The following CEBPZOS variants were observed in gnomAD, a reference collection of about 807,000 sequenced individuals.
CEBPZOS encodes protein CEBPZOS.
CEBPZOS carries 10 observed loss-of-function variants against 4.8 expected under a neutral mutation model. That is an observed-to-expected ratio of 2.07 (90% CI 1.28 to 3.52). The LOEUF is 3.52. Ranked by LOEUF, CEBPZOS falls within the 30% of genes most tolerant of loss-of-function variation. The probability of loss-of-function intolerance (pLI) is 0.00; values close to 1 mark genes in which losing one functional copy is unlikely to be tolerated. For synonymous variants in CEBPZOS, 25 were observed against 14.2 expected (o/e 1.77, Z -1.72); for missense variants, 98 against 43.6 (o/e 2.25, Z -3.51).
At chr2:37,205,629 CGCATGAA>C (rs1677513604), downstream of CEBPZOS, among the ~76,000 whole-genome samples, 1 of 152,160 alleles carries the variant, frequency 6.6e-6, no homozygotes, top group African/African-American at 2.4e-5. Context: ...CATACAGACG[CGCATGAA>C]ACTTTTTAAA....
At chr2:37,209,146 G>A (rs998870375), downstream of CEBPZOS, 2 of 151,848 alleles carry the variant, frequency 1.3e-5, no homozygotes, top group Non-Finnish European at 2.9e-5. Flanking sequence ...AGAAACCACA[G>A]ACACACACAA....
downstream of CEBPZOS, among the ~76,000 whole-genome samples, chr2:37,205,241 C>G (rs1039546669): frequency 6.6e-6 from 1 of 152,214 alleles, no homozygotes; most frequent in Non-Finnish European, 1.5e-5. Flanking sequence ...CCTCTGAGCC[C>G]AAGCTAAGCC....
chr2:37,214,491 G>A (rs1421077849), downstream of CEBPZOS, among the ~76,000 whole-genome samples: 3 of 151,872 alleles, frequency 2.0e-5, no homozygotes, highest in Non-Finnish European at 4.4e-5. Context: ...TATATTAAAG[G>A]TAGATTTTAA....
intron 2 of CEBPZOS, among the ~76,000 whole-genome samples, chr2:37,200,827 T>C (rs936389277): frequency 6.6e-6 from 1 of 152,118 alleles, no homozygotes; most frequent in Non-Finnish European, 1.5e-5. Flanking sequence ...TGGTGGATTG[T>C]GACTGTGCCA....
chr2:37,203,837 A>C lies in CEBPZOS; in HGVS notation c.*1977A>C, dbSNP rs1326440668. ...CTATATCTGACTTTTTTCATTTAGCATAACGTTTTTGAGGCTCATCCATGT... is the reference window on the plus strand; with the variant it reads ...CTATATCTGACTTTTTTCATTTAGCCTAACGTTTTTGAGGCTCATCCATGT... On this transcript the variant is annotated 3_prime_UTR_variant, in exon 5 of 5. Coordinates refer to ENST00000402297, the MANE Select transcript of CEBPZOS (RefSeq NM_001322374.2). 6.6e-6 allele frequency: 1 copy of C among 152,194 alleles called. No homozygotes were observed. The highest frequency in any genetic ancestry group is 2.4e-5 in the African/African-American group (1 of 41,440). 9.4% of individuals were successfully genotyped at this position (152,194 alleles called of 1,614,324 possible). A position where few individuals can be genotyped will look rare whatever the true frequency, so the allele number is the denominator to read the frequency against.
rs1409648770 is a variant in CEBPZOS, at chr2:37,213,253, T to C, written c.*3-184T>C. On this transcript the variant is annotated intron_variant, in intron 4 of 4. Transcript: ENST00000397064. ...CTGATATACTATAATAGATTATGAA[T>C]AGTAAAAAGGATTTCTTTTTCACAT... Among the ~76,000 whole-genome samples, 6 of 152,282 alleles carry C rather than the reference T, an allele frequency of 3.9e-5. No homozygotes were observed. The East Asian group carries it at 1.2e-3, about 29-fold the overall frequency.
downstream of CEBPZOS, among the ~76,000 whole-genome samples, chr2:37,208,311 C>T (rs1677606855): frequency 4.0e-5 from 6 of 151,860 alleles, no homozygotes; most frequent in South Asian, 1.2e-3. Flanking sequence ...GCCAATATCG[C>T]CCTAATTCCA....
chr2:37,212,384 CA>C (rs1385308743), intron 4 of CEBPZOS: 1 of 1,613,106 alleles, frequency 6.2e-7, no homozygotes, highest in Non-Finnish European at 8.5e-7. Flanking sequence ...TTATCATCTT[CA>C]AATGTGTCTG....
chr2:37,201,128 A>C, intron 3 of CEBPZOS, 36 bp downstream of exon 3: 1 of 705,780 alleles, frequency 1.4e-6, no homozygotes, highest in Non-Finnish European at 2.6e-6. Flanking sequence ...AGTATAAAAC[A>C]ACTTCTTCAG....
At chr2:37,214,338 T>C (rs2148352186), downstream of CEBPZOS, among the ~76,000 whole-genome samples, 1 of 152,286 alleles carries the variant, frequency 6.6e-6, no homozygotes. Flanking sequence ...GGTACTTTAC[T>C]ACCCTAAGGC....
In CEBPZOS at chr2:37,203,683, C is replaced by G. The variant is rs1677398023; in HGVS notation, c.*1823C>G. ...CCACAACCACAGTCTGATTTTAGAA[C>G]ATTTCCATCAACTTCAAAGATCCCT... On this transcript the variant is annotated 3_prime_UTR_variant, in exon 5 of 5. Transcript: ENST00000402297. The G allele has an allele frequency of 6.6e-6, 1 of 152,214 alleles. No homozygotes were observed. Among genetic ancestry groups the G allele is most frequent in the Non-Finnish European group, 1.5e-5 (1 of 68,036 alleles). The allele number at this position is 152,214 out of a possible 1,614,324, so 9.4% of individuals were successfully genotyped here.
chr2:37,211,625 T>A (rs1259844379), intron 4 of CEBPZOS: 1 of 471,800 alleles, frequency 2.1e-6, no homozygotes, highest in Non-Finnish European at 3.7e-6. Flanking sequence ...AAAGTAAAAG[T>A]CCAAAGCTCA....
intron 4 of CEBPZOS, chr2:37,211,492 T>C (rs1177701346): frequency 4.2e-6 from 1 of 238,114 alleles, no homozygotes; most frequent in Non-Finnish European, 8.0e-6. Flanking sequence ...AGATAAAATA[T>C]TCACCTTCAT....
At chr2:37,206,381 G>T (rs1192891963), downstream of CEBPZOS, among the ~76,000 whole-genome samples, 8 of 152,208 alleles carry the variant, frequency 5.3e-5, no homozygotes, top group Admixed American at 3.9e-4. Context: ...TTTTTGAGAT[G>T]GAATCTTGCT....
At chr2:37,207,408 A>C (rs771649510), downstream of CEBPZOS, among the ~76,000 whole-genome samples, 1 of 152,212 alleles carries the variant, frequency 6.6e-6, no homozygotes, top group Non-Finnish European at 1.5e-5. Context: ...TAGGCCACAA[A>C]ACAAGTCTCA....
intron 4 of CEBPZOS, chr2:37,211,130 C>T: frequency 1.6e-6 from 2 of 1,258,446 alleles, no homozygotes; most frequent in East Asian, 2.3e-5. Flanking sequence ...AACAATAAGA[C>T]TGGAAAATAT....
downstream of CEBPZOS, chr2:37,214,881 A>T: frequency 6.3e-7 from 1 of 1,590,674 alleles, no homozygotes; most frequent in South Asian, 1.1e-5. Context: ...TATTATGTAT[A>T]GTACCTGTGG....
chr2:37,198,034 T>G (rs1450085769), intron 1 of CEBPZOS, among the ~76,000 whole-genome samples: 1 of 146,856 alleles, frequency 6.8e-6, no homozygotes, highest in Non-Finnish European at 1.5e-5. Context: ...GTGGCGGGAG[T>G]CCCAGCTCCC....
chr2:37,204,027 T>A lies in CEBPZOS; in HGVS notation c.*2167T>A, dbSNP rs1165882197. The stretch of plus-strand genomic sequence containing the variant: ...GTCTTTGTATCAGAGCCACTTTTGA[T>A]AAAATAGTTTCTAAAACATTTCATC... On this transcript the variant is annotated 3_prime_UTR_variant, in exon 5 of 5. Coordinates refer to ENST00000402297, the MANE Select transcript of CEBPZOS (RefSeq NM_001322374.2). 2 of 152,220 alleles carry A rather than the reference T, an allele frequency of 1.3e-5. No homozygotes were observed. The highest frequency in any genetic ancestry group is 4.8e-5 in the African/African-American group (2 of 41,458). The allele number at this position is 152,220 out of a possible 1,614,324, so 9.4% of individuals were successfully genotyped here.
Sources: allele counts gnomAD v4.1 joint callset (sites outside exome capture counted in the v4.1 genomes callset), GRCh38; gene constraint gnomAD v4.1.1; transcripts MANE v1.5; gene names NCBI Gene and HGNC (gene_info 2026-07-23, HGNC 2026-07-21).